The following FAM167A variants were observed in gnomAD, a reference collection of about 807,000 sequenced individuals.
The protein encoded by FAM167A is family with sequence similarity 167 member A.
FAM167A carries 23 observed loss-of-function variants against 14.9 expected under a neutral mutation model. The ratio of observed to expected loss-of-function variants is 1.55; its 90% CI spans 1.11 to 2.19. The LOEUF is 2.19. FAM167A is among the 30% of genes most tolerant of loss of function. The pLI is 0.00. For synonymous variants in FAM167A, 174 were observed against 117.7 expected (o/e 1.48, Z -3.10); for missense variants, 401 against 281.5 (o/e 1.42, Z -3.04).
chr8:11,471,076 G>C (rs1203704236), upstream of FAM167A, among the ~76,000 whole-genome samples: 1 of 152,196 alleles, frequency 6.6e-6, no homozygotes, highest in African/African-American at 2.4e-5. Flanking sequence ...ATAATTAACA[G>C]AGCAGTCACC....
At chr8:11,451,373 C>CG (rs1450292845) in intron 1 of FAM167A, among the ~76,000 whole-genome samples, 1 of 148,790 alleles carries the variant, frequency 6.7e-6, no homozygotes, top group East Asian at 1.9e-4. Flanking sequence ...TACCTTCCGC[C>CG]TTTTTTGCTT....
At chr8:11,463,285 G>C (rs1195220383) in intron 1 of FAM167A, among the ~76,000 whole-genome samples, 1 of 152,226 alleles carries the variant, frequency 6.6e-6, no homozygotes. Context: ...GTCAGTTCAC[G>C]CCTGGCATGG....
At chr8:11,458,348 C>T (rs966839732) in intron 1 of FAM167A, among the ~76,000 whole-genome samples, 3 of 152,228 alleles carry the variant, frequency 2.0e-5, no homozygotes, top group Non-Finnish European at 4.4e-5. Flanking sequence ...TTCCTGCCCA[C>T]TCTCAGTGCA....
chr8:11,440,248 G>A (rs935153233), intron 2 of FAM167A, among the ~76,000 whole-genome samples: 2 of 152,284 alleles, frequency 1.3e-5, no homozygotes, highest in East Asian at 1.9e-4. Flanking sequence ...CTCCAGCTCC[G>A]CCCCGGGGAG....
At chr8:11,425,297 TTA>T (rs1805058828) in intron 2 of FAM167A, among the ~76,000 whole-genome samples, 1 of 152,132 alleles carries the variant, frequency 6.6e-6, no homozygotes, top group Admixed American at 6.6e-5. Flanking sequence ...CACCCACAGC[TTA>T]TAGAGGAGGA....
chr8:11,430,125 C>A (rs529994180), intron 2 of FAM167A, among the ~76,000 whole-genome samples: 25 of 152,202 alleles, frequency 1.6e-4, no homozygotes, highest in Admixed American at 3.9e-4. Context: ...TAGGATGTGC[C>A]AATTTCCAGT....
intron 2 of FAM167A, among the ~76,000 whole-genome samples, chr8:11,427,955 G>A (rs1175182227): frequency 6.6e-6 from 1 of 152,206 alleles, no homozygotes; most frequent in African/African-American, 2.4e-5. Flanking sequence ...GCCTGGAACG[G>A]AGCTAGGTGC....
At position 11,422,531 on chromosome 8, in the gene FAM167A, G is replaced by T. The variant is rs1804827142; in HGVS notation, c.*1842C>A. 6.6e-6 allele frequency: 1 copy of T among 152,652 alleles called. No individual in the cohort carries two copies. The allele number at this position is 152,652 out of a possible 1,614,324, so 9.5% of individuals were successfully genotyped here. A position where few individuals can be genotyped will look rare whatever the true frequency, so the allele number is the denominator to read the frequency against. Reference sequence around the variant, plus strand: ...ACAGCAGTACATGGTCCTCAGGCCTGCAGACTTCATTGCACAGAGCATGGC... The same window carrying T: ...ACAGCAGTACATGGTCCTCAGGCCTTCAGACTTCATTGCACAGAGCATGGC... On this transcript the variant is annotated 3_prime_UTR_variant, in exon 3 of 3. Coordinates refer to ENST00000284486, the MANE Select transcript of FAM167A (RefSeq NM_053279.3).
At chr8:11,456,189 TGTGGG>T (rs1807282235) in intron 1 of FAM167A, among the ~76,000 whole-genome samples, 8 of 86,322 alleles carry the variant, frequency 9.3e-5, no homozygotes, top group East Asian at 3.9e-4. Context: ...TGTGTGTGAA[TGTGGG>T]GGGTGGTTGC....
At chr8:11,457,241 T>C (rs1174237428) in intron 1 of FAM167A, among the ~76,000 whole-genome samples, 2 of 151,932 alleles carry the variant, frequency 1.3e-5, no homozygotes, top group Admixed American at 1.3e-4. Flanking sequence ...CTCTGGCACA[T>C]GTCCAGCCAG....
upstream of FAM167A, among the ~76,000 whole-genome samples, chr8:11,467,902 G>C (rs77093212): frequency 2.1e-3 from 314 of 152,372 alleles, 3 homozygotes; most frequent in African/African-American, 7.2e-3. Flanking sequence ...ATGAGGGAAC[G>C]GTCCTAAGCT....
chr8:11,444,449 CG>C lies in FAM167A; in HGVS notation c.-39del. ...CCTGGCAGCCGGACATGCGAGGGCA[CG>C]GGGGGCGCAGGGGGAGGCTTGGTGG... On this transcript the variant is annotated 5_prime_UTR_variant, in exon 2 of 3. It removes the in-frame stop codon of an upstream open reading frame in the 5' UTR. Coordinates refer to ENST00000284486, the MANE Select transcript of FAM167A (RefSeq NM_053279.3). The C allele has an allele frequency of 2.7e-6, 4 of 1,479,684 alleles. No individual in the cohort carries two copies. Among genetic ancestry groups the C allele is most frequent in the South Asian group, 1.3e-5 (1 of 75,102 alleles). The allele number at this position is 1,479,684 out of a possible 1,614,324, so 91.7% of individuals were successfully genotyped here. A position where few individuals can be genotyped will look rare whatever the true frequency, so the allele number is the denominator to read the frequency against.
At chr8:11,443,928 A>T (rs1806599761) in intron 2 of FAM167A, 103 bp downstream of exon 2, 1 of 1,387,678 alleles carries the variant, frequency 7.2e-7, no homozygotes, top group Admixed American at 2.2e-5. Flanking sequence ...AGGGGAAGAA[A>T]TACATGGTGG....
At chr8:11,455,405 G>T (rs1807202731) in intron 1 of FAM167A, among the ~76,000 whole-genome samples, 1 of 139,126 alleles carries the variant, frequency 7.2e-6, no homozygotes, top group Non-Finnish European at 1.6e-5. Context: ...TTGTGAGTGT[G>T]GGGGGTGGCT....
At chr8:11,436,141 G>C (rs77878047) in intron 2 of FAM167A, among the ~76,000 whole-genome samples, 92 of 152,334 alleles carry the variant, frequency 6.0e-4, no homozygotes, top group African/African-American at 2.0e-3. Flanking sequence ...GTCCGGGGTT[G>C]GGTAGGGCTG....
At chr8:11,453,228 A>AAGT (rs1395155821) in intron 1 of FAM167A, among the ~76,000 whole-genome samples, 3 of 152,196 alleles carry the variant, frequency 2.0e-5, no homozygotes, top group African/African-American at 7.2e-5. Flanking sequence ...GCTGGAGCGC[A>AAGT]AGTGGTACAA....
At chr8:11,474,903 T>C (rs113780870) in intron 1 of FAM167A, among the ~76,000 whole-genome samples, 1,734 of 147,050 alleles carry the variant, frequency 0.012, 13 homozygotes, top group Middle Eastern at 0.051. Flanking sequence ...GAAGGCGACA[T>C]GAAGGAGAGG....
Position 11,421,795 on chromosome 8 carries a change from A to G in FAM167A, c.*2578T>C, listed in dbSNP as rs1804749745. On this transcript the variant is annotated 3_prime_UTR_variant, in exon 3 of 3. Coordinates refer to ENST00000284486, the MANE Select transcript of FAM167A (RefSeq NM_053279.3). Reference sequence around the variant, plus strand: ...GCAGAGAGATGGATGGATAATGAGTACAACTGCAAACAGCACTGTACACAT... The same window carrying G: ...GCAGAGAGATGGATGGATAATGAGTGCAACTGCAAACAGCACTGTACACAT... 2.5e-6 allele frequency: 1 copy of G among 398,810 alleles called. No individual in the cohort carries two copies. The highest frequency in any genetic ancestry group is 2.1e-5 in the African/African-American group (1 of 48,650). The allele number at this position is 398,810 out of a possible 1,614,324, so 24.7% of individuals were successfully genotyped here. A position where few individuals can be genotyped will look rare whatever the true frequency, so the allele number is the denominator to read the frequency against.
upstream of FAM167A, among the ~76,000 whole-genome samples, chr8:11,472,489 G>C (rs1807991804): frequency 7.0e-6 from 1 of 143,188 alleles, no homozygotes; most frequent in South Asian, 2.2e-4. Flanking sequence ...GCCCAGGCTG[G>C]AGTGCAGTGG....
Sources: allele counts gnomAD v4.1 joint callset (sites outside exome capture counted in the v4.1 genomes callset), GRCh38; gene constraint gnomAD v4.1.1; transcripts MANE v1.5; gene names NCBI Gene and HGNC (gene_info 2026-07-23, HGNC 2026-07-21).